The following GORAB variants were observed in gnomAD, a reference collection of about 807,000 sequenced individuals.
The protein encoded by GORAB is RAB6-interacting golgin.
In GORAB, 17 loss-of-function variants were observed where a neutral mutation model predicts 29.9. The ratio of observed to expected loss-of-function variants is 0.57; its 90% CI spans 0.39 to 0.85. The LOEUF (loss-of-function observed/expected upper bound fraction) is 0.85, where lower values mean the gene tolerates loss of function less well. GORAB is among the 40% of genes least tolerant of loss of function. The pLI, the probability that GORAB is intolerant of heterozygous loss-of-function variation, is 0.00. For missense variants in GORAB, 442 were observed against 437.8 expected (o/e 1.01, Z -0.09); for synonymous variants, 183 against 157.2 (o/e 1.16, Z -1.23).
chr1:170,545,907 G>A (rs1649729106), intron 4 of GORAB: 1 of 197,344 alleles, frequency 5.1e-6, no homozygotes, highest in Non-Finnish European at 9.1e-6. Flanking sequence ...CTGATAACCA[G>A]AGGTTCCAGG....
intron 4 of GORAB, 41 bp downstream of exon 4, chr1:170,544,886 A>T (rs757035910): frequency 6.3e-6 from 10 of 1,586,818 alleles, no homozygotes; most frequent in Non-Finnish European, 8.6e-6. Context: ...AGTATGATTT[A>T]ATTAATGTTT....
rs1649393956 is a variant in GORAB, at chr1:170,541,176, C to T, written c.420-1315C>T. Among the ~76,000 whole-genome samples the T allele has an allele frequency of 2.2e-5, 3 of 136,908 alleles. No homozygotes were observed. In the Admixed American group the frequency reaches 2.4e-4, roughly 11 times the overall value. 89.8% of individuals were successfully genotyped at this position (136,908 alleles called of 152,430 possible). A position where few individuals can be genotyped will look rare whatever the true frequency, so the allele number is the denominator to read the frequency against. ...CCAAGATCATGCCACTGCATTCCAGCCTGGGCAACAGAGCAAGATTCTGTC... is the reference window on the plus strand; with the variant it reads ...CCAAGATCATGCCACTGCATTCCAGTCTGGGCAACAGAGCAAGATTCTGTC... On this transcript the variant is annotated intron_variant, in intron 2 of 4. Coordinates refer to ENST00000367763, the MANE Select transcript of GORAB (RefSeq NM_152281.3).
Position 170,553,556 on chromosome 1 carries a change from G to A in GORAB, c.*1094G>A, listed in dbSNP as rs1455193970. The A allele has an allele frequency of 2.3e-6, 1 of 439,912 alleles. No individual in the cohort carries two copies. The highest frequency in any genetic ancestry group is 1.7e-5 in the South Asian group (1 of 59,478). 27.3% of individuals were successfully genotyped at this position (439,912 alleles called of 1,614,324 possible). A position where few individuals can be genotyped will look rare whatever the true frequency, so the allele number is the denominator to read the frequency against. On this transcript the variant is annotated 3_prime_UTR_variant, in exon 5 of 5. Coordinates refer to ENST00000367763, the MANE Select transcript of GORAB (RefSeq NM_152281.3). ...AAAGAATTATTATCAGAGAACATAA[G>A]CACAAGTATAAGATTGTATCCATAA... is the stretch of plus-strand genomic sequence containing the variant.
chr1:170,550,745 T>G (rs571590280), intron 4 of GORAB, among the ~76,000 whole-genome samples: 4 of 152,360 alleles, frequency 2.6e-5, no homozygotes, highest in African/African-American at 9.6e-5. Flanking sequence ...TAAGTTGATG[T>G]AGGCACTCAT....
At chr1:170,540,755 A>G (rs992944320) in intron 2 of GORAB, among the ~76,000 whole-genome samples, 10 of 152,220 alleles carry the variant, frequency 6.6e-5, no homozygotes, top group African/African-American at 2.4e-4. Flanking sequence ...TTCATAAAAG[A>G]CCTGTAACCT....
chr1:170,551,662 A>G (rs1414521655), intron 4 of GORAB, among the ~76,000 whole-genome samples: 1 of 152,170 alleles, frequency 6.6e-6, no homozygotes, highest in Non-Finnish European at 1.5e-5. Context: ...TAATTATCCC[A>G]TGGAAATGTA....
At chr1:170,550,864 A>G (rs894252592) in intron 4 of GORAB, among the ~76,000 whole-genome samples, 4 of 152,204 alleles carry the variant, frequency 2.6e-5, no homozygotes, top group Non-Finnish European at 5.9e-5. Context: ...TCTTGTTGCA[A>G]AAAGAAAAGC....
At chr1:170,545,552 T>A in intron 4 of GORAB, 6 of 985,132 alleles carry the variant, frequency 6.1e-6, no homozygotes, top group Non-Finnish European at 6.0e-6. Flanking sequence ...AAAAAATATG[T>A]CCAATTTCAG....
chr1:170,533,563 G>C (rs1423049857), intron 1 of GORAB: 2 of 455,196 alleles, frequency 4.4e-6, no homozygotes, highest in Non-Finnish European at 8.9e-6. Context: ...TTGCTTCAGA[G>C]ACAAGAGGAA....
chr1:170,542,346 T>C, intron 2 of GORAB, 145 bp from the exon 3 acceptor site: 2 of 590,954 alleles, frequency 3.4e-6, no homozygotes, highest in South Asian at 3.8e-5. Flanking sequence ...ATGGGTTTCT[T>C]TTAAGAGGAC....
chr1:170,548,914 T>A lies in GORAB; in HGVS notation c.663-3101T>A, dbSNP rs567890085. 5.3e-5 allele frequency among the ~76,000 whole-genome samples: 8 copies of A among 152,282 alleles called. No individual in the cohort carries two copies. The South Asian group carries it at 1.7e-3, about 32-fold the overall frequency. On this transcript the variant is annotated intron_variant, in intron 4 of 4. Coordinates refer to ENST00000367763, the MANE Select transcript of GORAB (RefSeq NM_152281.3). ...TATAATTTATTTTATTCTGTTTTTT[T>A]AAATAAGTAAATTTTCTCATTATTT...
At chr1:170,545,047 G>C (rs1649672460) in intron 4 of GORAB, 6 of 1,288,732 alleles carry the variant, frequency 4.7e-6, no homozygotes, top group Non-Finnish European at 5.9e-6. Flanking sequence ...AGTTAACCTT[G>C]TTCGTGTGCC....
Position 170,539,579 on chromosome 1 carries a change from T to C in GORAB, c.419+12T>C. ...AAGAAAGTGGAATTGTTAGTAAGTC[T>C]ATGTGAAAAGTCCATGAGACTTTTC... On this transcript the variant is annotated intron_variant, in intron 2 of 4. Transcript: ENST00000367763. The C allele has an allele frequency of 6.2e-7, 1 of 1,613,414 alleles. No individual in the cohort carries two copies. The highest frequency in any genetic ancestry group is 8.5e-7 in the Non-Finnish European group (1 of 1,179,878).
At chr1:170,535,454 T>C (rs1649002004) in intron 1 of GORAB, among the ~76,000 whole-genome samples, 1 of 152,266 alleles carries the variant, frequency 6.6e-6, no homozygotes, top group Non-Finnish European at 1.5e-5. Context: ...AGAAGAGTTA[T>C]TCTTCATACT....
intron 4 of GORAB, among the ~76,000 whole-genome samples, chr1:170,551,547 G>A (rs1650103371): frequency 6.6e-6 from 1 of 152,082 alleles, no homozygotes. Flanking sequence ...AACCAGCTGT[G>A]TGCTGAAGCT....
chr1:170,543,605 C>A (rs1460578999), intron 3 of GORAB, among the ~76,000 whole-genome samples: 1 of 149,512 alleles, frequency 6.7e-6, no homozygotes, highest in African/African-American at 2.4e-5. Flanking sequence ...AAGGAAAAAA[C>A]CAGCAGATAA....
intron 4 of GORAB, chr1:170,545,711 T>A (rs979655055): frequency 5.1e-6 from 5 of 984,958 alleles, no homozygotes; most frequent in Non-Finnish European, 4.8e-6. Context: ...AACCACAACA[T>A]CAGAATGTTT....
intron 4 of GORAB, chr1:170,545,835 A>G (rs1649725358): frequency 1.5e-6 from 1 of 668,994 alleles, no homozygotes; most frequent in Admixed American, 6.3e-5. Context: ...TTGTTGGACC[A>G]TATGCTATTA....
At chr1:170,532,903 C>T (rs1648796130) in intron 1 of GORAB, among the ~76,000 whole-genome samples, 1 of 152,180 alleles carries the variant, frequency 6.6e-6, no homozygotes, top group South Asian at 2.1e-4. Context: ...GTCTTACTGA[C>T]TTTGGAGTAA....
Sources: allele counts gnomAD v4.1 joint callset (sites outside exome capture counted in the v4.1 genomes callset), GRCh38; gene constraint gnomAD v4.1.1; transcripts MANE v1.5; gene names NCBI Gene and HGNC (gene_info 2026-07-23, HGNC 2026-07-21).